Variants in NBEA observed in about 807,000 individuals in gnomAD.
NBEA encodes the protein neurobeachin, also known as lysosomal-trafficking regulator 2.
A neutral mutation model predicts 343.4 loss-of-function variants in NBEA; 44 were observed. The ratio of observed to expected loss-of-function variants is 0.13; its 90% CI spans 0.10 to 0.16. The LOEUF is 0.16. Ranked by LOEUF, NBEA falls within the 10% of genes least tolerant of loss-of-function variation. NBEA has a pLI of 1.00. For synonymous variants in NBEA, 1,175 were observed against 1,238.7 expected (o/e 0.95, Z 1.08); for missense variants, 2,555 against 3,631.3 (o/e 0.70, Z 7.62).
rs377393070 is a variant in NBEA, at chr13:35,480,937, TTAAAG to T, written c.6585+8405_6585+8409del. ...AACCTTTCAAGGTTTCAGTGATTTC[TTAAAG>T]TAATTATTTCATCTTTTAATATCAG... is the stretch of plus-strand genomic sequence containing the variant. On this transcript the variant is annotated intron_variant, in intron 41 of 58. Coordinates refer to ENST00000379939, the MANE Select transcript of NBEA (RefSeq NM_001385012.1). Among the ~76,000 whole-genome samples the T allele has an allele frequency of 7.1e-3, 1,083 of 152,106 alleles. 8 individuals carry two copies. The highest frequency in any genetic ancestry group is 0.014 in the Middle Eastern group (4 of 294).
intron 54 of NBEA, 100 bp from the exon 55 acceptor site, chr13:35,655,479 A>C: frequency 8.0e-7 from 1 of 1,245,642 alleles, no homozygotes; most frequent in Non-Finnish European, 1.1e-6. Context: ...AATAAAATTA[A>C]AAATATGGTA....
chr13:35,122,046 A>G (rs2066831811), intron 16 of NBEA, among the ~76,000 whole-genome samples: 1 of 152,196 alleles, frequency 6.6e-6, no homozygotes. Context: ...AAAAAATGGA[A>G]TAAAATTTCT....
chr13:35,198,977 G>A (rs1196921427), intron 31 of NBEA, among the ~76,000 whole-genome samples: 1 of 152,022 alleles, frequency 6.6e-6, no homozygotes. Flanking sequence ...AATGTCATCA[G>A]GAGGCACAAA....
At chr13:34,987,977 C>T (rs2060617219) in intron 1 of NBEA, among the ~76,000 whole-genome samples, 1 of 150,914 alleles carries the variant, frequency 6.6e-6, no homozygotes. Context: ...TATTACTGAC[C>T]TTCTGAAGCC....
At chr13:35,160,784 T>A (rs2069497027) in intron 22 of NBEA, among the ~76,000 whole-genome samples, 1 of 152,170 alleles carries the variant, frequency 6.6e-6, no homozygotes, top group African/African-American at 2.4e-5. Flanking sequence ...GGATTTTAAT[T>A]GTTGAGCTCT....
intron 17 of NBEA, among the ~76,000 whole-genome samples, chr13:35,137,693 T>C (rs1350722601): frequency 6.6e-6 from 1 of 152,144 alleles, no homozygotes; most frequent in Non-Finnish European, 1.5e-5. Context: ...TTATTGTTAT[T>C]TATTGTGTTA....
At chr13:35,512,949 A>G (rs917975889) in intron 41 of NBEA, among the ~76,000 whole-genome samples, 3 of 152,196 alleles carry the variant, frequency 2.0e-5, no homozygotes, top group East Asian at 3.9e-4. Context: ...GTGCTTTGGG[A>G]AATATTGTAA....
At chr13:35,488,259 G>T (rs1363947270) in intron 41 of NBEA, among the ~76,000 whole-genome samples, 2 of 151,846 alleles carry the variant, frequency 1.3e-5, no homozygotes, top group African/African-American at 4.8e-5. Context: ...TAATGTTTTT[G>T]CTCAGTTTAA....
At position 35,507,260 on chromosome 13, in the gene NBEA, T is replaced by G. The variant is rs548091970; in HGVS notation, c.6585+34724T>G. ...GTCTTCTTTGCCAAAATTCTCTCCT[T>G]TTCTTCAACCACCTAATGTTGGAGT... On this transcript the variant is annotated intron_variant, in intron 41 of 58. Transcript: ENST00000379939. 3.9e-5 allele frequency among the ~76,000 whole-genome samples: 6 copies of G among 152,270 alleles called. No individual in the cohort carries two copies. The South Asian group carries it at 1.2e-3, about 32-fold the overall frequency.
intron 10 of NBEA, among the ~76,000 whole-genome samples, chr13:35,081,529 T>G (rs2064397694): frequency 6.9e-6 from 1 of 144,744 alleles, no homozygotes; most frequent in Admixed American, 7.0e-5. Context: ...ATGGGCAAGC[T>G]TTTTTTTTTT....
Position 35,550,532 on chromosome 13 carries a change from C to T in NBEA, c.6641C>T (p.Ala2214Val), listed in dbSNP as rs1312731146. ...AAATGGATGTTCAGCGAGATACGAG[C>T]TGTATTTTCAAGACGTTACCTTCTA... ...HGKWMFSEIRAVFSRRYLLQN... is the reference protein window; with the variant it reads ...HGKWMFSEIRVVFSRRYLLQN... Residue 2214 changes from alanine to valine, a missense_variant, in exon 42 of 59, where the codon GCT becomes GTT. Ala to Val is a moderately conservative substitution (Grantham distance 64). Transcript: ENST00000379939. 1 of 1,613,386 alleles carries T rather than the reference C, an allele frequency of 6.2e-7. No homozygotes were observed. The highest frequency in any genetic ancestry group is 2.2e-5 in the East Asian group (1 of 44,820).
chr13:35,240,389 G>A (rs1421110078), intron 34 of NBEA, among the ~76,000 whole-genome samples: 3 of 151,758 alleles, frequency 2.0e-5, no homozygotes, highest in Admixed American at 1.3e-4. Context: ...AGCTTCAATG[G>A]CTGCTAAACT....
intron 7 of NBEA, among the ~76,000 whole-genome samples, chr13:35,056,742 C>T (rs2063279537): frequency 6.6e-6 from 1 of 152,024 alleles, no homozygotes; most frequent in Admixed American, 6.6e-5. Flanking sequence ...TGAGGTTAGG[C>T]AGAAATCATT....
intron 47 of NBEA, among the ~76,000 whole-genome samples, chr13:35,604,625 T>G (rs551710989): frequency 3.4e-4 from 52 of 152,270 alleles, no homozygotes; most frequent in African/African-American, 1.2e-3. Flanking sequence ...AACTCTTTTT[T>G]AAAATTTCTA....
At chr13:35,071,072 A>T in intron 10 of NBEA, 2 of 348,394 alleles carry the variant, frequency 5.7e-6, no homozygotes, top group Non-Finnish European at 1.0e-5. Context: ...TTCCTTGATA[A>T]TAAATAGAAA....
At chr13:35,380,453 AT>A (rs1380240507) in intron 38 of NBEA, among the ~76,000 whole-genome samples, 2 of 150,640 alleles carry the variant, frequency 1.3e-5, no homozygotes, top group East Asian at 3.9e-4. Flanking sequence ...GTCTCAAAAA[AT>A]ATAATAATAA....
chr13:35,360,217 G>C (rs2040733877), intron 38 of NBEA, among the ~76,000 whole-genome samples: 1 of 152,014 alleles, frequency 6.6e-6, no homozygotes, highest in Non-Finnish European at 1.5e-5. Flanking sequence ...GAAATGCAAA[G>C]AACTGTGTAA....
rs1259029426 is a variant in NBEA at position 34,942,863 on chromosome 13, C to G, written c.43C>G (p.Gln15Glu). 1.4e-6 allele frequency: 2 copies of G among 1,395,052 alleles called. No homozygotes were observed. The highest frequency in any genetic ancestry group is 9.4e-7 in the Non-Finnish European group (1 of 1,068,312). 86.4% of individuals were successfully genotyped at this position (1,395,052 alleles called of 1,614,324 possible). Residue 15 changes from glutamine to glutamate, a missense_variant, in exon 1 of 59, where the codon CAG (glutamine) becomes GAG (glutamate). Gln to Glu is a conservative substitution (Grantham distance 29, BLOSUM62 2). Coordinates refer to ENST00000379939, the MANE Select transcript of NBEA (RefSeq NM_001385012.1). ...KPGPGPGLEP[Q>E]PVGLIAVGAA... Reference sequence around the variant, plus strand: ...GGGCCCGGGCCCGGGGCTCGAGCCTCAGCCCGTGGGGCTCATTGCCGTCGG... The same window carrying G: ...GGGCCCGGGCCCGGGGCTCGAGCCTGAGCCCGTGGGGCTCATTGCCGTCGG...
chr13:35,322,372 C>T (rs1434188016), intron 36 of NBEA, among the ~76,000 whole-genome samples: 1 of 152,186 alleles, frequency 6.6e-6, no homozygotes, highest in Non-Finnish European at 1.5e-5. Context: ...ACCCCTTGTG[C>T]TTCCCAGGTG....
Sources: allele counts gnomAD v4.1 joint callset (sites outside exome capture counted in the v4.1 genomes callset), GRCh38; gene constraint gnomAD v4.1.1; transcripts MANE v1.5; gene names NCBI Gene and HGNC (gene_info 2026-07-23, HGNC 2026-07-21).